The following FRMD4A variants were observed in gnomAD, a reference collection of about 807,000 sequenced individuals.
The protein encoded by FRMD4A is FERM domain containing 4A.
FRMD4A carries 29 observed loss-of-function variants against 129.1 expected under a neutral mutation model. The observed-to-expected ratio is 0.22, with a 90% confidence interval of 0.17 to 0.31. The LOEUF (loss-of-function observed/expected upper bound fraction) is 0.31, where lower values mean the gene tolerates loss of function less well. Ranked by LOEUF, FRMD4A falls within the 10% of genes least tolerant of loss-of-function variation. The pLI is 1.00. For synonymous variants in FRMD4A, 634 were observed against 571.6 expected (o/e 1.11, Z -1.56); for missense variants, 1,272 against 1,375.8 (o/e 0.92, Z 1.19).
In FRMD4A at chr10:13,858,728, AG is replaced by A. The variant is rs755488432; in HGVS notation, c.111+118del. On this transcript the variant is annotated intron_variant, in intron 3 of 24. Transcript: ENST00000357447. ...TGGTGGGTCCTAGTCATTCTCTCAC[AG>A]ATATTAACAGAGATTTAAAAACAGT... is the stretch of plus-strand genomic sequence containing the variant. 237 of 736,802 alleles carry A rather than the reference AG, an allele frequency of 3.2e-4. 2 individuals carry two copies. The highest frequency in any genetic ancestry group is 1.8e-3 in the South Asian group (118 of 65,104). 45.6% of individuals were successfully genotyped at this position (736,802 alleles called of 1,614,324 possible).
intron 2 of FRMD4A, among the ~76,000 whole-genome samples, chr10:14,004,475 G>A (rs1415406806): frequency 1.3e-5 from 2 of 152,146 alleles, no homozygotes; most frequent in Admixed American, 6.5e-5. Context: ...CCAGGAGGTG[G>A]AGGTTGCAGT....
chr10:13,898,365 C>CAAAAAAAT (rs1188971322), intron 2 of FRMD4A, among the ~76,000 whole-genome samples: 3 of 151,366 alleles, frequency 2.0e-5, no homozygotes, highest in Admixed American at 6.6e-5. Context: ...GACTCCATCT[C>CAAAAAAAT]AAAAAAATAA....
At chr10:14,076,367 G>A (rs1488279585) in intron 2 of FRMD4A, among the ~76,000 whole-genome samples, 1 of 152,186 alleles carries the variant, frequency 6.6e-6, no homozygotes, top group African/African-American at 2.4e-5. Flanking sequence ...ATGGCCAGGT[G>A]TAGTGGCTCA....
chr10:13,864,772 T>A (rs1033365975), intron 2 of FRMD4A, among the ~76,000 whole-genome samples: 1 of 151,994 alleles, frequency 6.6e-6, no homozygotes, highest in African/African-American at 2.4e-5. Context: ...AGATGGGGTT[T>A]CACCATGTTG....
intron 2 of FRMD4A, among the ~76,000 whole-genome samples, chr10:13,920,505 A>G (rs17631794): frequency 0.058 from 8,823 of 152,296 alleles, 322 homozygotes; most frequent in East Asian, 0.077. Context: ...GGTAGTAAGA[A>G]CCTACATTAC....
At chr10:14,062,874 A>T (rs1440477074) in intron 2 of FRMD4A, among the ~76,000 whole-genome samples, 1 of 152,220 alleles carries the variant, frequency 6.6e-6, no homozygotes, top group Non-Finnish European at 1.5e-5. Flanking sequence ...GGGAAGATAC[A>T]TGGATGGTGG....
chr10:13,758,543 C>G (rs1025908214), intron 8 of FRMD4A, among the ~76,000 whole-genome samples: 2 of 152,196 alleles, frequency 1.3e-5, no homozygotes, highest in African/African-American at 4.8e-5. Flanking sequence ...GGGTCTTGCC[C>G]GGGCGTGCCT....
chr10:14,174,382 G>A (rs767724188), intron 2 of FRMD4A, among the ~76,000 whole-genome samples: 5 of 152,064 alleles, frequency 3.3e-5, no homozygotes, highest in Non-Finnish European at 7.4e-5. Context: ...TCTGTCTTAG[G>A]TAACGCATTT....
In FRMD4A at chr10:13,659,480, G is replaced by A. The variant is rs752397976; in HGVS notation, c.1909C>T (p.Arg637Cys). The change falls in exon 21 of 25, where the codon CGC (arginine) becomes TGC (cysteine). Residue 637 changes from arginine to cysteine, a missense_variant. By Grantham distance (180) the Arg-to-Cys change is radical. Coordinates refer to ENST00000357447, the MANE Select transcript of FRMD4A (RefSeq NM_018027.5). ...GCACAGCTTCCTGTGCTGGGGAAGC[G>A]CTTGTGGCTGCTGCAAAGCCAAGGA... ...SSHSHSSSHK[R>C]FPSTGSCAEA... 6 of 1,612,242 alleles carry A rather than the reference G, an allele frequency of 3.7e-6. No individual in the cohort carries two copies. Among genetic ancestry groups the A allele is most frequent in the East Asian group, 4.5e-5 (2 of 44,838 alleles).
At chr10:13,873,696 GCCA>G (rs2094462172) in intron 2 of FRMD4A, among the ~76,000 whole-genome samples, 1 of 151,872 alleles carries the variant, frequency 6.6e-6, no homozygotes, top group South Asian at 2.1e-4. Flanking sequence ...ACAGGCACCA[GCCA>G]CCATGCCCCA....
chr10:13,767,512 T>G (rs1289038021), intron 6 of FRMD4A, among the ~76,000 whole-genome samples: 4 of 152,232 alleles, frequency 2.6e-5, no homozygotes, highest in Non-Finnish European at 5.9e-5. Flanking sequence ...GTGCTGGGAT[T>G]ACAGGCATGA....
At chr10:13,686,191 G>A (rs571477630) in intron 15 of FRMD4A, among the ~76,000 whole-genome samples, 3 of 152,380 alleles carry the variant, frequency 2.0e-5, no homozygotes, top group East Asian at 1.9e-4. Flanking sequence ...AGACCTAAAA[G>A]GAGAGGCCAC....
intron 2 of FRMD4A, among the ~76,000 whole-genome samples, chr10:13,966,574 GT>G (rs1323072931): frequency 6.6e-6 from 1 of 152,230 alleles, no homozygotes; most frequent in East Asian, 1.9e-4. Context: ...CACAGCCATG[GT>G]TCTGGGAGTG....
chr10:13,943,838 G>T (rs2095312234), intron 2 of FRMD4A, among the ~76,000 whole-genome samples: 5 of 152,056 alleles, frequency 3.3e-5, no homozygotes, highest in Admixed American at 3.3e-4. Flanking sequence ...GAAATAGGTT[G>T]GTGTGGATCG....
At chr10:13,891,742 C>T (rs1339732222) in intron 2 of FRMD4A, 4 of 983,810 alleles carry the variant, frequency 4.1e-6, no homozygotes, top group South Asian at 9.4e-5. Context: ...GCGGCCTTGG[C>T]GCCCGCAGCT....
intron 2 of FRMD4A, among the ~76,000 whole-genome samples, chr10:14,241,683 T>TAAAAAAAAAAAAAA (rs71388168): frequency 3.8e-4 from 9 of 23,418 alleles, no homozygotes; most frequent in Admixed American, 7.0e-4. Flanking sequence ...TTACCCTCCC[T>TAAAAAAAAAAAAAA]AAAAAAAAAA....
chr10:13,746,952 T>C (rs960156357), intron 9 of FRMD4A, among the ~76,000 whole-genome samples: 8 of 152,216 alleles, frequency 5.3e-5, no homozygotes, highest in Admixed American at 2.6e-4. Context: ...TAATGTTACA[T>C]AGTGGCTAAA....
At chr10:14,245,559 C>T (rs917888698) in intron 2 of FRMD4A, among the ~76,000 whole-genome samples, 1 of 152,118 alleles carries the variant, frequency 6.6e-6, no homozygotes, top group African/African-American at 2.4e-5. Flanking sequence ...ATCCCCGCTA[C>T]CTCAGAACGT....
intron 2 of FRMD4A, among the ~76,000 whole-genome samples, chr10:14,185,780 G>A (rs1009432900): frequency 2.4e-4 from 37 of 152,044 alleles, no homozygotes; most frequent in Admixed American, 1.7e-3. Flanking sequence ...CAACAGATAC[G>A]TACAATCCAG....
Sources: allele counts gnomAD v4.1 joint callset (sites outside exome capture counted in the v4.1 genomes callset), GRCh38; gene constraint gnomAD v4.1.1; transcripts MANE v1.5; gene names NCBI Gene and HGNC (gene_info 2026-07-23, HGNC 2026-07-21).